The following PELP1 variants were observed in gnomAD, a reference collection of about 807,000 sequenced individuals.
The protein encoded by PELP1 is proline-, glutamic acid- and leucine-rich protein 1.
Under a neutral mutation model 95.5 loss-of-function variants are expected in PELP1, and 32 were observed. The observed-to-expected ratio is 0.34, with a 90% CI of 0.25 to 0.45. PELP1 has a LOEUF of 0.45. PELP1 is among the 20% of genes least tolerant of loss of function. PELP1 has a pLI of 1.00. For synonymous variants in PELP1, 668 were observed against 600.1 expected, an observed-to-expected ratio of 1.11 and a Z score of -1.65; for missense variants, 1,358 against 1,444.8, an observed-to-expected ratio of 0.94 and a Z score of 0.97.
At position 4,673,754 on chromosome 17, in the gene PELP1, T is replaced by C. The variant is rs1371301197; in HGVS notation, c.1583-80A>G. Reference sequence around the variant, plus strand: ...GGCTTCTGAAGCATACAGCCCAAAATGGGCATCAACTCTGCCACTGCCTAT... The same window carrying C: ...GGCTTCTGAAGCATACAGCCCAAAACGGGCATCAACTCTGCCACTGCCTAT... On this transcript the variant is annotated intron_variant, in intron 13 of 16. Coordinates refer to ENST00000572293, the MANE Select transcript of PELP1 (RefSeq NM_014389.3). This position sits in a 1 kb window ranked among gnomAD's most constrained non-coding sequence, Gnocchi z 5.7. The C allele has an allele frequency of 6.6e-6, 8 of 1,220,456 alleles. No homozygotes were observed. The highest frequency in any genetic ancestry group is 1.7e-5 in the Admixed American group (1 of 59,356). The allele number at this position is 1,220,456 out of a possible 1,614,324, so 75.6% of individuals were successfully genotyped here. A position where few individuals can be genotyped will look rare whatever the true frequency, so the allele number is the denominator to read the frequency against.
chr17:4,674,767 G>A, intron 12 of PELP1, 42 bp downstream of exon 12: 1 of 1,590,668 alleles, frequency 6.3e-7, no homozygotes, highest in African/African-American at 1.3e-5. Context: ...CTTGGTCAAA[G>A]GGCACAGGAT....
chr17:4,676,763 T>C lies in PELP1; in HGVS notation c.692A>G (p.Gln231Arg). Residue 231 changes from glutamine to arginine, a missense_variant, in exon 6 of 17, where the codon CAG (glutamine) becomes CGG (arginine). By Grantham distance (43) the Gln-to-Arg change is conservative. Around this residue, in one of 7 missense-constraint regions of PELP1, gnomAD observed 538 missense variants for 628.1 expected, o/e 0.86. Coordinates refer to ENST00000572293, the MANE Select transcript of PELP1 (RefSeq NM_014389.3). ...CTCCCTGCCCTTTACCTGTTGGAGC[T>C]GAGGGCTCAAGGCATCCACCCTAGA... ...FLSRVDALSP[Q>R]LQQLACECYS... 6.4e-7 allele frequency: 1 copy of C among 1,569,584 alleles called. No homozygotes were observed. The highest frequency in any genetic ancestry group is 8.6e-7 in the Non-Finnish European group (1 of 1,156,806).
intron 1 of PELP1, among the ~76,000 whole-genome samples, chr17:4,693,202 A>C (rs2150563840): frequency 6.6e-6 from 1 of 152,326 alleles, no homozygotes; most frequent in African/African-American, 2.4e-5. Context: ...ACCCAAGAGA[A>C]ATGAAAACCT....
At chr17:4,687,779 G>A (rs1327282309) in intron 3 of PELP1, among the ~76,000 whole-genome samples, 1 of 152,172 alleles carries the variant, frequency 6.6e-6, no homozygotes, top group Non-Finnish European at 1.5e-5. Flanking sequence ...TTGGTACACT[G>A]CCTGCTATAT....
At chr17:4,683,504 C>T (rs942775543) in intron 3 of PELP1, among the ~76,000 whole-genome samples, 1 of 140,838 alleles carries the variant, frequency 7.1e-6, no homozygotes, top group East Asian at 2.0e-4. Flanking sequence ...CAGGTGTGAG[C>T]CATCACGCCC....
intron 3 of PELP1, among the ~76,000 whole-genome samples, chr17:4,683,619 C>T (rs1912799102): frequency 6.8e-6 from 1 of 147,964 alleles, no homozygotes; most frequent in African/African-American, 2.5e-5. Flanking sequence ...CAACCTCTGA[C>T]TCCTGGGTTC....
intron 1 of PELP1, among the ~76,000 whole-genome samples, chr17:4,693,704 G>A (rs935611608): frequency 2.6e-4 from 40 of 152,158 alleles, no homozygotes; most frequent in African/African-American, 8.9e-4. Flanking sequence ...TCCGATTCAC[G>A]TCCCAGGTAG....
rs777522023 is a variant in PELP1, at chr17:4,703,892, G to T, written c.220C>A (p.Arg74=). The T allele has an allele frequency of 1.2e-6, 2 of 1,612,754 alleles. No homozygotes were observed. Among genetic ancestry groups the T allele is most frequent in the South Asian group, 1.1e-5 (1 of 91,016 alleles). Residue 74 remains arginine (R), a synonymous_variant, in exon 1 of 17, where the codon CGG becomes AGG. Transcript: ENST00000572293. ...GCCCCGCCCACCGACCCATGCAGCC[G>T]CAATAGGCACATGAGCCCGGGCAAA... ...PHLPGLMCLL[R]LHGSVGGAQN...
intron 1 of PELP1, among the ~76,000 whole-genome samples, chr17:4,696,364 G>C (rs530894595): frequency 6.6e-6 from 1 of 152,284 alleles, no homozygotes; most frequent in Non-Finnish European, 1.5e-5. Context: ...CGAAGACTAT[G>C]AGATGAGAGC....
Position 4,704,084 on chromosome 17 carries a change from A to T in PELP1, c.28T>A (p.Ser10Thr). 6.2e-7 allele frequency: 1 copy of T among 1,610,950 alleles called. No homozygotes were observed. Among genetic ancestry groups the T allele is most frequent in the Non-Finnish European group, 8.5e-7 (1 of 1,179,364 alleles). The change falls in exon 1 of 17, where the codon TCT becomes ACT. Residue 10 changes from serine (S) to threonine (T), a missense_variant. Physicochemically the swap from Ser to Thr is moderately conservative, Grantham distance 58 (BLOSUM62 1). Around this residue, in one of 7 missense-constraint regions of PELP1, gnomAD observed 169 missense variants for 134.9 expected, o/e 1.25. Transcript: ENST00000572293. ...GGAACCCCAGCCGCGGAGCCCGCAG[A>T]GGGCCCACTCAGAACGGCTGCCGCC... MAAAVLSGPSAGSAAGVPGG... is the reference protein window; with the variant it reads MAAAVLSGPTAGSAAGVPGG...
intron 1 of PELP1, among the ~76,000 whole-genome samples, chr17:4,701,510 G>C (rs1913535072): frequency 2.0e-5 from 3 of 152,202 alleles, no homozygotes; most frequent in African/African-American, 7.2e-5. Flanking sequence ...CTGAAGGTAA[G>C]GAGACCCGTT....
intron 5 of PELP1, among the ~76,000 whole-genome samples, chr17:4,679,053 G>T (rs1912603385): frequency 6.6e-6 from 1 of 151,402 alleles, no homozygotes; most frequent in Non-Finnish European, 1.5e-5. Flanking sequence ...TTGAGACAGG[G>T]TCTCACTCTG....
chr17:4,691,485 T>G, intron 1 of PELP1, 43 bp from the exon 2 acceptor site: 2 of 1,472,074 alleles, frequency 1.4e-6, no homozygotes, highest in Non-Finnish European at 1.9e-6. Context: ...AACGGGATGT[T>G]AAAAATGCAG....
chr17:4,694,864 G>A (rs1451432958), intron 1 of PELP1, among the ~76,000 whole-genome samples: 2 of 151,428 alleles, frequency 1.3e-5, no homozygotes, highest in African/African-American at 2.4e-5. Context: ...CCAGCTACTC[G>A]GGAGGCTAAG....
Position 4,673,512 on chromosome 17 carries a change from A to G in PELP1, c.1639-56T>C, listed in dbSNP as rs1912325924. 6.4e-7 allele frequency: 1 copy of G among 1,566,166 alleles called. No homozygotes were observed. Among genetic ancestry groups the G allele is most frequent in the Non-Finnish European group, 8.8e-7 (1 of 1,141,084 alleles). On this transcript the variant is annotated intron_variant, in intron 14 of 16. Coordinates refer to ENST00000572293, the MANE Select transcript of PELP1 (RefSeq NM_014389.3). This position sits in a 1 kb window ranked among gnomAD's most constrained non-coding sequence, Gnocchi z 5.7. ...CCCCAAGACCACCCAACCCTTCTCCAGAGCCTACTCCCAGGTCGGAATGGA... is the reference window on the plus strand; with the variant it reads ...CCCCAAGACCACCCAACCCTTCTCCGGAGCCTACTCCCAGGTCGGAATGGA...
intron 6 of PELP1, 30 bp from the exon 7 acceptor site, chr17:4,676,537 G>C: frequency 4.3e-6 from 7 of 1,611,384 alleles, no homozygotes; most frequent in Non-Finnish European, 5.9e-6. Flanking sequence ...AACCTGGTCA[G>C]ATGGGAATCC....
Position 4,676,378 on chromosome 17 carries a change from G to C in PELP1, c.832C>G (p.Leu278Val). Residue 278 changes from leucine to valine, a missense_variant, in exon 7 of 17, where the codon CTG (leucine) becomes GTG (valine). Around this residue, in one of 7 missense-constraint regions of PELP1, gnomAD observed 538 missense variants for 628.1 expected, o/e 0.86. Transcript: ENST00000572293. ...LASLHTLLGA[L>V]YEGAETAPVQ... ...CTACCAGTCTCTGCTCCCTCGTACA[G>C]GGCCCCCAGCAGGGTGTGCAGTGAG... is the stretch of plus-strand genomic sequence containing the variant. 1 of 1,613,364 alleles carries C rather than the reference G, an allele frequency of 6.2e-7. No individual in the cohort carries two copies. Among genetic ancestry groups the C allele is most frequent in the Non-Finnish European group, 8.5e-7 (1 of 1,179,642 alleles).
In PELP1 at chr17:4,672,779, G is replaced by A. The variant is rs961726343; in HGVS notation, c.2212C>T (p.Pro738Ser). The A allele has an allele frequency of 6.2e-7, 1 of 1,613,624 alleles. No individual in the cohort carries two copies. Among genetic ancestry groups the A allele is most frequent in the African/African-American group, 1.3e-5 (1 of 74,918 alleles). Residue 738 changes from proline to serine, a missense_variant, in exon 16 of 17, where the codon CCC becomes TCC. Physicochemically the swap from Pro to Ser is moderately conservative, Grantham distance 74 (BLOSUM62 -1). This residue lies in a region of PELP1 where 340 missense variants were observed against 322.9 expected (regional missense o/e 1.05). Coordinates refer to ENST00000572293, the MANE Select transcript of PELP1 (RefSeq NM_014389.3). ...GGAGTCCCACTAGGGGCAAGGATGG[G>A]GTCCTCATTTGAGCCTGCCCGGTGG... ...ENHRAGSNED[P>S]ILAPSGTPPP...
At chr17:4,692,853 T>C (rs112099632) in intron 1 of PELP1, among the ~76,000 whole-genome samples, 4,034 of 151,896 alleles carry the variant, frequency 0.027, 198 homozygotes, top group African/African-American at 0.093. Context: ...CTACTAAAAA[T>C]AGAAAAATTA....
Sources: gnomAD v4.1 joint callset for allele counts (sites outside exome capture counted in the v4.1 genomes callset) on GRCh38, gnomAD v4.1.1 for gene constraint, gnomAD v4.1.1 regional missense constraint, Gnocchi (gnomAD v3.1) non-coding constraint, MANE v1.5 for transcripts, NCBI Gene and HGNC (gene_info 2026-07-23, HGNC 2026-07-21) for gene names.